NLGN1: variants seen among roughly 807,000 people sequenced by gnomAD.
NLGN1 encodes the protein neuroligin 1, also known as neuroligin-1.
A neutral mutation model predicts 65.5 loss-of-function variants in NLGN1; 12 were observed. The observed-to-expected ratio is 0.18, with a 90% confidence interval of 0.12 to 0.30. NLGN1 has a LOEUF of 0.30. Ranked by LOEUF, NLGN1 falls within the 10% of genes least tolerant of loss-of-function variation. NLGN1 has a pLI of 1.00. For synonymous variants in NLGN1, 350 were observed against 359.5 expected, an observed-to-expected ratio of 0.97 and a Z score of 0.30; for missense variants, 750 against 1,007.1, an observed-to-expected ratio of 0.74 and a Z score of 3.46.
chr3:173,711,515 T>C (rs1768984130), intron 3 of NLGN1, among the ~76,000 whole-genome samples: 2 of 152,302 alleles, frequency 1.3e-5, no homozygotes, highest in African/African-American at 4.8e-5. Context: ...TTTATAACAG[T>C]GTCTTTTGAA....
chr3:173,548,175 C>T (rs1019535514), intron 2 of NLGN1, among the ~76,000 whole-genome samples: 2 of 152,086 alleles, frequency 1.3e-5, no homozygotes, highest in African/African-American at 4.8e-5. Flanking sequence ...CATATGCAGC[C>T]ACCTTGTTAA....
chr3:173,738,925 A>G (rs1181378975), intron 3 of NLGN1, among the ~76,000 whole-genome samples: 1 of 152,110 alleles, frequency 6.6e-6, no homozygotes, highest in Admixed American at 6.6e-5. Flanking sequence ...TAAGTGACAT[A>G]AAAGATGTAC....
At chr3:173,941,889 C>A (rs563189821) in intron 4 of NLGN1, among the ~76,000 whole-genome samples, 1 of 151,856 alleles carries the variant, frequency 6.6e-6, no homozygotes, top group South Asian at 2.1e-4. Context: ...CTAATTAACA[C>A]CAAACCATAA....
chr3:173,552,039 T>C (rs1246893310), intron 2 of NLGN1, among the ~76,000 whole-genome samples: 1 of 152,186 alleles, frequency 6.6e-6, no homozygotes, highest in Non-Finnish European at 1.5e-5. Context: ...AAATGAATGA[T>C]CTCCTCCTTT....
chr3:173,911,397 A>G (rs1739564369), intron 4 of NLGN1, among the ~76,000 whole-genome samples: 2 of 152,248 alleles, frequency 1.3e-5, no homozygotes, highest in Admixed American at 6.5e-5. Context: ...TACTCCTTAA[A>G]TATTGTAATC....
chr3:173,963,878 G>C (rs1390323735), intron 4 of NLGN1, among the ~76,000 whole-genome samples: 1 of 152,076 alleles, frequency 6.6e-6, no homozygotes, highest in South Asian at 2.1e-4. Flanking sequence ...ATGGTAGGTG[G>C]GTAGGTGAGG....
At chr3:173,995,830 G>T (rs578005140) in intron 4 of NLGN1, among the ~76,000 whole-genome samples, 1 of 151,532 alleles carries the variant, frequency 6.6e-6, no homozygotes, top group East Asian at 1.9e-4. Flanking sequence ...GGGACTCCCG[G>T]TGCACATACC....
intron 4 of NLGN1, among the ~76,000 whole-genome samples, chr3:174,222,651 A>G (rs891677174): frequency 1.3e-5 from 2 of 152,154 alleles, no homozygotes; most frequent in African/African-American, 4.8e-5. Context: ...CTCAGTCAAT[A>G]TATCTGGCAA....
chr3:173,827,797 C>T (rs891973475), intron 4 of NLGN1, among the ~76,000 whole-genome samples: 22 of 151,860 alleles, frequency 1.4e-4, no homozygotes, highest in African/African-American at 3.9e-4. Context: ...GTGAGTCTTA[C>T]GGCCAAGAAT....
chr3:174,287,498 G>C (rs928634548), downstream of NLGN1, among the ~76,000 whole-genome samples: 1 of 151,460 alleles, frequency 6.6e-6, no homozygotes, highest in Non-Finnish European at 1.5e-5. Context: ...GGTGTTGTTT[G>C]ATATGATTAC....
Position 173,463,427 on chromosome 3 carries a change from C to T in NLGN1, c.-321+28349C>T, listed in dbSNP as rs191525162. Reference sequence around the variant, plus strand: ...CTCTTCCATACAGATCTGTTGCTCCCGCTGACCTTGTGGTACATTCAGTTC... The same window carrying T: ...CTCTTCCATACAGATCTGTTGCTCCTGCTGACCTTGTGGTACATTCAGTTC... On this transcript the variant is annotated intron_variant, in intron 2 of 6. Coordinates refer to ENST00000457714, the Ensembl canonical transcript of NLGN1. Among the ~76,000 whole-genome samples, 47 of 152,280 alleles carry T rather than the reference C, an allele frequency of 3.1e-4. No individual in the cohort carries two copies. In the East Asian group the frequency reaches 7.7e-3, roughly 25 times the overall value.
intron 4 of NLGN1, among the ~76,000 whole-genome samples, chr3:173,911,441 C>A (rs1739572555): frequency 6.6e-6 from 1 of 151,986 alleles, no homozygotes; most frequent in African/African-American, 2.4e-5. Context: ...TCTAATGAGT[C>A]AAAAATATTA....
At chr3:173,618,439 C>A (rs1753479076) in intron 3 of NLGN1, among the ~76,000 whole-genome samples, 1 of 152,120 alleles carries the variant, frequency 6.6e-6, no homozygotes, top group Non-Finnish European at 1.5e-5. Flanking sequence ...GCAAGCGATC[C>A]TCCTTCCTCG....
chr3:174,196,784 G>GA (rs1267227856), intron 4 of NLGN1, among the ~76,000 whole-genome samples: 3 of 152,072 alleles, frequency 2.0e-5, no homozygotes, highest in Non-Finnish European at 4.4e-5. Context: ...ACAATGTATA[G>GA]AAAAAAATAG....
chr3:173,918,694 GT>G (rs1560629052), intron 4 of NLGN1, among the ~76,000 whole-genome samples: 1 of 137,612 alleles, frequency 7.3e-6, no homozygotes, highest in Non-Finnish European at 1.6e-5. Context: ...GTGTGTGTGT[GT>G]GTGTGTGTAT....
chr3:174,079,723 A>G (rs907701992), intron 4 of NLGN1, among the ~76,000 whole-genome samples: 6 of 152,226 alleles, frequency 3.9e-5, no homozygotes, highest in African/African-American at 1.4e-4. Flanking sequence ...GAATGAGATT[A>G]TGTCCTTTGC....
intron 4 of NLGN1, among the ~76,000 whole-genome samples, chr3:174,231,532 G>A (rs917515178): frequency 4.6e-5 from 7 of 152,266 alleles, no homozygotes; most frequent in Non-Finnish European, 8.8e-5. Context: ...TGACTATTAA[G>A]CTAGGGTACT....
At chr3:173,824,423 G>C (rs1298616411) in intron 4 of NLGN1, among the ~76,000 whole-genome samples, 1 of 151,988 alleles carries the variant, frequency 6.6e-6, no homozygotes, top group Non-Finnish European at 1.5e-5. Flanking sequence ...CACTTAACTA[G>C]GTGCATGTAA....
chr3:173,425,323 C>G (rs1715895553), intron 1 of NLGN1, among the ~76,000 whole-genome samples: 1 of 151,250 alleles, frequency 6.6e-6, no homozygotes, highest in South Asian at 2.1e-4. Context: ...CCTCTTCACT[C>G]TATTGGTTTT....
Sources: gnomAD v4.1 joint callset for allele counts (sites outside exome capture counted in the v4.1 genomes callset) on GRCh38, gnomAD v4.1.1 for gene constraint, MANE v1.5 for transcripts, NCBI Gene and HGNC (gene_info 2026-07-23, HGNC 2026-07-21) for gene names.